Variants in RIF1 observed in about 807,000 individuals in gnomAD.
RIF1 encodes replication timing regulatory factor 1, also known as telomere-associated protein RIF1.
RIF1 carries 45 observed loss-of-function variants against 247.1 expected under a neutral mutation model. That is an observed-to-expected ratio of 0.18 (90% CI 0.14 to 0.23). The LOEUF is 0.23. Ranked by LOEUF, RIF1 falls within the 10% of genes least tolerant of loss-of-function variation. RIF1 has a pLI of 1.00. For synonymous variants in RIF1, 1,087 were observed against 978.8 expected (o/e 1.11, Z -2.06); for missense variants, 2,967 against 2,862.5 (o/e 1.04, Z -0.83).
At position 151,501,894 on chromosome 2, in the gene RIF1, A is replaced by G. The variant is rs184956922; in HGVS notation, c.*710-1140A>G. ...ATAAAGAATAAATGTTGAAAGCTAA[A>G]TAATACTAGCTTTCAATGATACTGA... On this transcript the variant is annotated intron_variant and NMD_transcript_variant, in intron 11 of 13. Coordinates refer to the RIF1 transcript ENST00000454583. 3.6e-3 allele frequency among the ~76,000 whole-genome samples: 544 copies of G among 152,358 alleles called. 1 individual carries two copies. The highest frequency in any genetic ancestry group is 0.01 in the Middle Eastern group (3 of 294).
At chr2:151,414,739 G>A (rs867096850) in intron 3 of RIF1, 84 bp from the exon 4 acceptor site, 2 of 856,184 alleles carry the variant, frequency 2.3e-6, no homozygotes, top group East Asian at 2.5e-5. Flanking sequence ...TGATGAATAT[G>A]CTTGTTCTGT....
the RIF1 span, chr2:151,531,045 G>A: frequency 3.2e-4 from 518 of 1,613,528 alleles, no homozygotes; most frequent in South Asian, 1.0e-3. Context: ...TGGGTGTGTC[G>A]TGGATTGTGG....
At chr2:151,435,646 T>G (rs1317000993) in intron 11 of RIF1, 66 bp downstream of exon 11, 1 of 812,070 alleles carries the variant, frequency 1.2e-6, no homozygotes, top group Non-Finnish European at 2.0e-6. Flanking sequence ...AAGCATAGTT[T>G]TGAAGTAGGA....
chr2:151,461,094 T>G, intron 26 of RIF1, 44 bp from the exon 27 acceptor site: 3 of 1,555,758 alleles, frequency 1.9e-6, no homozygotes, highest in Non-Finnish European at 2.6e-6. Flanking sequence ...GGAAAATAAT[T>G]TGGAAGCTAA....
In RIF1 at chr2:151,463,010, G is replaced by C; in HGVS notation, c.3490G>C (p.Glu1164Gln). The change falls in exon 30 of 36, where the codon GAA becomes CAA. Residue 1164 changes from glutamate to glutamine, a missense_variant. Transcript: ENST00000444746. ...ECGSLDKTSP[E>Q]MSNSNNDERK... ...TGGTTCTCTTGACAAAACCAGTCCA[G>C]AAATGTCAAACAGTAATAATGATGA... The C allele has an allele frequency of 1.2e-6, 2 of 1,613,972 alleles. No individual in the cohort carries two copies. The highest frequency in any genetic ancestry group is 1.1e-5 in the South Asian group (1 of 91,072).
At chr2:151,438,117 T>A (rs1452357496) in intron 13 of RIF1, among the ~76,000 whole-genome samples, 1 of 152,162 alleles carries the variant, frequency 6.6e-6, no homozygotes, top group Non-Finnish European at 1.5e-5. Flanking sequence ...AAAGATAATT[T>A]AAAAAAAGAT....
rs375217325 is a variant in RIF1 at position 151,463,273 on chromosome 2, T to C, written c.3753T>C (p.Asn1251=). The change falls in exon 30 of 36, where the codon AAT becomes AAC. Residue 1251 remains asparagine (N), a synonymous_variant. Coordinates refer to ENST00000444746, the MANE Select transcript of RIF1 (RefSeq NM_018151.5). ...NNISSTVTVK[N]NQETMIKTDF... is the part of the protein sequence containing the mutation. Reference sequence around the variant, plus strand: ...TTTCATCAACTGTTACAGTGAAAAATAACCAGGAAACCATGATTAAAACAG... The same window carrying C: ...TTTCATCAACTGTTACAGTGAAAAACAACCAGGAAACCATGATTAAAACAG... The C allele has an allele frequency of 8.7e-6, 14 of 1,612,692 alleles. No individual in the cohort carries two copies. In the African/African-American group the frequency reaches 1.7e-4, roughly 20 times the overall value.
the RIF1 span, among the ~76,000 whole-genome samples, chr2:151,532,883 A>T: frequency 6.6e-6 from 1 of 152,154 alleles, no homozygotes; most frequent in African/African-American, 2.4e-5. Context: ...TGGCCTTCTA[A>T]AAAGGCATTA....
At chr2:151,442,959 G>A (rs544986701) in intron 16 of RIF1, among the ~76,000 whole-genome samples, 1 of 151,676 alleles carries the variant, frequency 6.6e-6, no homozygotes, top group South Asian at 2.1e-4. Context: ...TTTTTATTTA[G>A]TAGAGATGGG....
At chr2:151,416,722 A>G (rs764742659) in intron 5 of RIF1, 34 bp downstream of exon 5, 6 of 1,606,346 alleles carry the variant, frequency 3.7e-6, no homozygotes, top group Non-Finnish European at 5.1e-6. Context: ...CATCTTAACT[A>G]TATGCCAATT....
intron 12 of RIF1, chr2:151,503,404 G>A: frequency 6.2e-7 from 1 of 1,612,718 alleles, no homozygotes; most frequent in Admixed American, 1.7e-5. Flanking sequence ...AGTCACAGTG[G>A]TTGGAATGCC....
chr2:151,512,884 AAC>A, downstream of RIF1: 1 of 1,314,400 alleles, frequency 7.6e-7, no homozygotes, highest in Non-Finnish European at 1.1e-6. Flanking sequence ...CAATGTGCAC[AAC>A]AGTTGTTGGC....
chr2:151,505,412 G>T, intron 12 of RIF1: 1 of 1,320,844 alleles, frequency 7.6e-7, no homozygotes, highest in Non-Finnish European at 1.1e-6. Context: ...AAAGATGAGA[G>T]AGCACCAGGG....
At position 151,479,052 on chromosome 2, in the gene RIF1, G is replaced by A. The variant is rs1228520039; in HGVS notation, c.*3981G>A. 1 of 152,144 alleles carries A rather than the reference G, an allele frequency of 6.6e-6. No individual in the cohort carries two copies. The highest frequency in any genetic ancestry group is 1.5e-5 in the Non-Finnish European group (1 of 68,026). 9.4% of individuals were successfully genotyped at this position (152,144 alleles called of 1,614,324 possible). A position where few individuals can be genotyped will look rare whatever the true frequency, so the allele number is the denominator to read the frequency against. On this transcript the variant is annotated 3_prime_UTR_variant, in exon 36 of 36. Transcript: ENST00000444746. ...TGAACAAGTGGATTCTGATTCAGTAGATCTGCATTGGGCCCCGTGAGTCTT... is the reference window on the plus strand; with the variant it reads ...TGAACAAGTGGATTCTGATTCAGTAAATCTGCATTGGGCCCCGTGAGTCTT...
chr2:151,410,341 G>T, intron 1 of RIF1, 73 bp from the exon 2 acceptor site: 1 of 1,216,978 alleles, frequency 8.2e-7, no homozygotes. Flanking sequence ...GTGAGGGCCG[G>T]ACTCACACTG....
the RIF1 span, chr2:151,526,978 A>G: frequency 2.5e-6 from 4 of 1,604,486 alleles, no homozygotes; most frequent in Non-Finnish European, 3.4e-6. Flanking sequence ...CAGTGACAGA[A>G]AGCTTGCAAC....
intron 9 of RIF1, among the ~76,000 whole-genome samples, chr2:151,432,395 G>A (rs1273370285): frequency 1.3e-5 from 2 of 152,118 alleles, no homozygotes; most frequent in African/African-American, 2.4e-5. Flanking sequence ...TGGCATAAAT[G>A]TTTTTTCTGA....
chr2:151,479,955 G>GT lies in RIF1; in HGVS notation c.*4886dup. 1 of 152,108 alleles carries GT rather than the reference G, an allele frequency of 6.6e-6. No homozygotes were observed. Among genetic ancestry groups the GT allele is most frequent in the Middle Eastern group, 3.2e-3 (1 of 316 alleles). 9.4% of individuals were successfully genotyped at this position (152,108 alleles called of 1,614,324 possible). Reference sequence around the variant, plus strand: ...TACATATTGCTCTTTGCAAGTAGCCGTTAAAGTGTAAGTCATTGAAGTTTG... The same window carrying GT: ...TACATATTGCTCTTTGCAAGTAGCCGTTTAAAGTGTAAGTCATTGAAGTTTG... On this transcript the variant is annotated 3_prime_UTR_variant, in exon 36 of 36. Transcript: ENST00000444746.
At chr2:151,515,051 A>C in the RIF1 span, 1 of 643,348 alleles carries the variant, frequency 1.6e-6, no homozygotes, top group South Asian at 1.9e-5. Flanking sequence ...TAGTTCTGCT[A>C]ATGGTCACAC....
Sources: gnomAD v4.1 joint callset for allele counts (sites outside exome capture counted in the v4.1 genomes callset) on GRCh38, gnomAD v4.1.1 for gene constraint, MANE v1.5 for transcripts, NCBI Gene and HGNC (gene_info 2026-07-23, HGNC 2026-07-21) for gene names.